The following GFRAL variants were observed in gnomAD, a reference collection of about 807,000 sequenced individuals.
GFRAL encodes the protein GDNF family receptor alpha-like.
A neutral mutation model predicts 45.4 loss-of-function variants in GFRAL; 36 were observed. The ratio of observed to expected loss-of-function variants is 0.79; its 90% CI spans 0.61 to 1.05. The LOEUF (loss-of-function observed/expected upper bound fraction) is 1.05. Among genes scored for constraint, GFRAL ranks in the 50% least tolerant of loss-of-function variants. GFRAL has a pLI of 0.00. For missense variants in GFRAL, 507 were observed against 467.5 expected (o/e 1.08, Z -0.78); for synonymous variants, 166 against 154.1 (o/e 1.08, Z -0.57).
At chr6:55,386,557 C>A (rs2127364451) in intron 6 of GFRAL, among the ~76,000 whole-genome samples, 1 of 152,012 alleles carries the variant, frequency 6.6e-6, no homozygotes, top group Middle Eastern at 3.4e-3. Flanking sequence ...TGAGAGAGAC[C>A]CAGCTTCCCC....
At chr6:55,369,170 A>G (rs149790933) in intron 6 of GFRAL, among the ~76,000 whole-genome samples, 16,161 of 150,544 alleles carry the variant, frequency 0.11, 981 homozygotes, top group African/African-American at 0.15. Context: ...GCCCGTCGGA[A>G]AAGCGCAGTA....
chr6:55,341,898 C>T (rs144122519), intron 3 of GFRAL, among the ~76,000 whole-genome samples: 2,344 of 151,960 alleles, frequency 0.015, 58 homozygotes, highest in African/African-American at 0.051. Context: ...GTAGCCGATT[C>T]GATCAACTGG....
chr6:55,352,418 T>G (rs1277518565), intron 5 of GFRAL, among the ~76,000 whole-genome samples: 3 of 152,082 alleles, frequency 2.0e-5, no homozygotes, highest in Non-Finnish European at 4.4e-5. Flanking sequence ...TGTCCATTGA[T>G]CTTGCAAGGA....
At chr6:55,364,178 C>T (rs1162806451) in intron 6 of GFRAL, among the ~76,000 whole-genome samples, 4 of 151,062 alleles carry the variant, frequency 2.6e-5, no homozygotes, top group African/African-American at 9.8e-5. Context: ...TTGCATTTCT[C>T]TGACGGCCAG....
At chr6:55,387,107 A>G (rs1220817751) in intron 6 of GFRAL, among the ~76,000 whole-genome samples, 1 of 152,176 alleles carries the variant, frequency 6.6e-6, no homozygotes, top group South Asian at 2.1e-4. Flanking sequence ...AAGCCAAAAC[A>G]TAAAGATTAA....
intron 6 of GFRAL, among the ~76,000 whole-genome samples, chr6:55,368,207 G>A (rs1300536562): frequency 6.6e-6 from 1 of 151,828 alleles, no homozygotes; most frequent in Non-Finnish European, 1.5e-5. Flanking sequence ...TTCCATCGCT[G>A]ATACCCTTTC....
intron 6 of GFRAL, among the ~76,000 whole-genome samples, chr6:55,370,274 A>T (rs953445133): frequency 6.6e-6 from 1 of 152,080 alleles, no homozygotes; most frequent in African/African-American, 2.4e-5. Flanking sequence ...CTTTCCCAAT[A>T]CAGAAATTAG....
chr6:55,335,452 G>C (rs991736), intron 3 of GFRAL, among the ~76,000 whole-genome samples: 18,841 of 151,938 alleles, frequency 0.12, 1,303 homozygotes, highest in Non-Finnish European at 0.13. Context: ...AAAAATTTTG[G>C]TGAAATTGAG....
At chr6:55,368,539 T>G (rs1768399500) in intron 6 of GFRAL, among the ~76,000 whole-genome samples, 1 of 152,000 alleles carries the variant, frequency 6.6e-6, no homozygotes. Flanking sequence ...AGTTTCCAGT[T>G]TTTCTGCTCT....
intron 6 of GFRAL, among the ~76,000 whole-genome samples, chr6:55,365,636 G>T (rs939537557): frequency 7.9e-6 from 1 of 127,034 alleles, no homozygotes; most frequent in Non-Finnish European, 1.7e-5. Context: ...TTTATTGAGA[G>T]TTTTTAGCAT....
intron 6 of GFRAL, among the ~76,000 whole-genome samples, chr6:55,371,122 C>G (rs1043695638): frequency 6.6e-6 from 1 of 152,122 alleles, no homozygotes; most frequent in Non-Finnish European, 1.5e-5. Flanking sequence ...ATTTTTGTTA[C>G]TTTCACAATG....
intron 6 of GFRAL, among the ~76,000 whole-genome samples, chr6:55,385,070 T>C (rs114100934): frequency 0.014 from 2,070 of 152,116 alleles, 44 homozygotes; most frequent in African/African-American, 0.046. Flanking sequence ...GTGTTTCCCT[T>C]TGAGCACACT....
intron 6 of GFRAL, among the ~76,000 whole-genome samples, chr6:55,371,328 A>G (rs1356898778): frequency 2.0e-5 from 3 of 152,190 alleles, no homozygotes; most frequent in African/African-American, 7.2e-5. Context: ...TTAAACACTC[A>G]TAGATTTTGA....
intron 6 of GFRAL, among the ~76,000 whole-genome samples, chr6:55,368,726 TG>T (rs1198506561): frequency 1.3e-5 from 2 of 152,284 alleles, no homozygotes; most frequent in Admixed American, 1.3e-4. Context: ...CTGCCCCTGC[TG>T]GGGGGTGCCT....
At chr6:55,353,326 G>A (rs1253643671) in intron 5 of GFRAL, among the ~76,000 whole-genome samples, 3 of 151,964 alleles carry the variant, frequency 2.0e-5, no homozygotes, top group Non-Finnish European at 4.4e-5. Context: ...TTTTAACTAT[G>A]TCTACTCTTA....
At chr6:55,356,454 T>C (rs1178267436) in intron 5 of GFRAL, among the ~76,000 whole-genome samples, 2 of 151,970 alleles carry the variant, frequency 1.3e-5, no homozygotes, top group Non-Finnish European at 2.9e-5. Context: ...TGTCTACAAA[T>C]TTATTCACTT....
intron 6 of GFRAL, among the ~76,000 whole-genome samples, chr6:55,375,308 G>A (rs548226456): frequency 6.6e-6 from 1 of 152,242 alleles, no homozygotes; most frequent in Admixed American, 6.5e-5. Flanking sequence ...CTGAGCAGTG[G>A]TTTGTAGTTC....
At chr6:55,363,052 G>C (rs1191349242) in intron 6 of GFRAL, among the ~76,000 whole-genome samples, 1 of 150,398 alleles carries the variant, frequency 6.6e-6, no homozygotes, top group African/African-American at 2.4e-5. Context: ...AGGTAGAGGA[G>C]GAGGAGGAGA....
chr6:55,331,581 G>A (rs1767829985), intron 1 of GFRAL, 134 bp from the exon 2 acceptor site: 3 of 662,148 alleles, frequency 4.5e-6, no homozygotes, highest in Non-Finnish European at 7.3e-6. Context: ...AGGAGGTTAA[G>A]GTTATTCCCA....
Sources: allele counts gnomAD v4.1 joint callset (sites outside exome capture counted in the v4.1 genomes callset), GRCh38; gene constraint gnomAD v4.1.1; transcripts MANE v1.5; gene names NCBI Gene and HGNC (gene_info 2026-07-23, HGNC 2026-07-21).